The following CCNH variants were observed in gnomAD, a reference collection of about 807,000 sequenced individuals.
CCNH encodes cyclin-H.
CCNH carries 31 observed loss-of-function variants against 41.9 expected under a neutral mutation model. The observed-to-expected ratio is 0.74, with a 90% CI of 0.56 to 1.00. The LOEUF is 1.00. CCNH is among the 50% of genes least tolerant of loss of function. The pLI, the probability that CCNH is intolerant of heterozygous loss-of-function variation, is 0.00. For synonymous variants in CCNH, 138 were observed against 136.1 expected (o/e 1.01, Z -0.10); for missense variants, 362 against 388.4 (o/e 0.93, Z 0.57).
At chr5:87,411,434 G>T in intron 1 of CCNH, 88 bp from the exon 2 acceptor site, 1 of 1,319,438 alleles carries the variant, frequency 7.6e-7, no homozygotes, top group Non-Finnish European at 1.0e-6. Context: ...ATTAAATTTA[G>T]TTTATATATC....
intron 4 of CCNH, among the ~76,000 whole-genome samples, chr5:87,407,380 T>C (rs1763877306): frequency 6.6e-6 from 1 of 152,206 alleles, no homozygotes; most frequent in Non-Finnish European, 1.5e-5. Context: ...GTACCCAAAT[T>C]GAGCCACTGA....
intron 9 of CCNH, among the ~76,000 whole-genome samples, chr5:87,367,586 C>T (rs1429915879): frequency 1.3e-5 from 2 of 152,172 alleles, no homozygotes; most frequent in Non-Finnish European, 2.9e-5. Flanking sequence ...CACTCCATTT[C>T]CTTGTATTAA....
chr5:87,400,162 A>G (rs957264487), intron 6 of CCNH, among the ~76,000 whole-genome samples: 19 of 152,096 alleles, frequency 1.2e-4, no homozygotes, highest in Admixed American at 3.3e-4. Flanking sequence ...GAGAGATCCA[A>G]TGGGCTTATT....
At chr5:87,391,220 C>G, downstream of CCNH, 1 of 435,226 alleles carries the variant, frequency 2.3e-6, no homozygotes, top group Non-Finnish European at 4.2e-6. Flanking sequence ...CACCCAGTTG[C>G]CAAAGTTTTG....
At position 87,333,292 on chromosome 5, in the gene CCNH, G is replaced by A. The variant is rs374823017; in HGVS notation, c.*91-14395C>T. ...CCAGTAGAAGATAGAAGGCGTGTAC[G>A]AGCTATTCTACCTTACACAAAAGTA... On this transcript the variant is annotated intron_variant and NMD_transcript_variant, in intron 9 of 9. Coordinates refer to the CCNH transcript ENST00000645953. 9.3e-6 allele frequency: 15 copies of A among 1,612,586 alleles called. No individual in the cohort carries two copies. Among genetic ancestry groups the A allele is most frequent in the Admixed American group, 3.3e-5 (2 of 59,908 alleles).
intron 9 of CCNH, among the ~76,000 whole-genome samples, chr5:87,324,509 G>A (rs886847462): frequency 2.0e-5 from 3 of 152,146 alleles, no homozygotes; most frequent in Admixed American, 6.6e-5. Context: ...GTGTATGATA[G>A]TGCTGTTTCT....
At chr5:87,362,749 A>T in intron 9 of CCNH, 1 of 1,491,996 alleles carries the variant, frequency 6.7e-7, no homozygotes, top group Non-Finnish European at 9.3e-7. Context: ...TGTGATATAT[A>T]TTTAATAAGT....
Position 87,399,525 on chromosome 5 carries a change from G to C in CCNH, c.761-20C>G. 6.6e-7 allele frequency: 1 copy of C among 1,516,768 alleles called. No individual in the cohort carries two copies. The highest frequency in any genetic ancestry group is 9.2e-7 in the Non-Finnish European group (1 of 1,092,246). 94.0% of individuals were successfully genotyped at this position (1,516,768 alleles called of 1,614,324 possible). On this transcript the variant is annotated intron_variant, in intron 6 of 8. Transcript: ENST00000256897. ...TCATGCCTATGTGGATACAAAAAAA[G>C]AATTTAAACTGAATAAGCAAACCTC...
At chr5:87,357,511 C>G (rs1759740566) in intron 9 of CCNH, among the ~76,000 whole-genome samples, 1 of 152,050 alleles carries the variant, frequency 6.6e-6, no homozygotes, top group African/African-American at 2.4e-5. Context: ...CAAGACCATC[C>G]TGGCTAACAC....
intron 9 of CCNH, among the ~76,000 whole-genome samples, chr5:87,329,655 TAAC>T (rs1467477692): frequency 2.6e-5 from 4 of 152,236 alleles, no homozygotes; most frequent in South Asian, 4.1e-4. Flanking sequence ...ATTTAACAAA[TAAC>T]AAGTATATAA....
In CCNH at chr5:87,376,416, C is replaced by T. The variant is rs1554049394; in HGVS notation, n.765G>A. ...AGTATTTATGCGCTGCCAGTTGAGCCGATTACAGAAAGGGCATGCCACAGA... is the reference window on the plus strand; with the variant it reads ...AGTATTTATGCGCTGCCAGTTGAGCTGATTACAGAAAGGGCATGCCACAGA... On this transcript the variant is annotated non_coding_transcript_exon_variant, in exon 1 of 1. Transcript: ENST00000607486. 3 of 1,613,852 alleles carry T rather than the reference C, an allele frequency of 1.9e-6. No individual in the cohort carries two copies. Among genetic ancestry groups the T allele is most frequent in the Non-Finnish European group, 2.5e-6 (3 of 1,179,958 alleles).
downstream of CCNH, among the ~76,000 whole-genome samples, chr5:87,317,435 A>G (rs565833362): frequency 6.6e-6 from 1 of 152,252 alleles, no homozygotes; most frequent in African/African-American, 2.4e-5. Flanking sequence ...AAGGAATTAG[A>G]CTAGATATCT....
intron 9 of CCNH, among the ~76,000 whole-genome samples, chr5:87,358,628 C>T (rs770290116): frequency 2.6e-5 from 4 of 152,164 alleles, no homozygotes; most frequent in Non-Finnish European, 4.4e-5. Flanking sequence ...AATGTCAGAT[C>T]GTGTTACTCC....
intron 9 of CCNH, among the ~76,000 whole-genome samples, chr5:87,333,040 C>T (rs916912612): frequency 3.9e-5 from 6 of 152,050 alleles, no homozygotes; most frequent in Admixed American, 6.5e-5. Flanking sequence ...ATTCATATTA[C>T]GTTATAAAAG....
At chr5:87,385,641 T>A (rs1235271891) in intron 9 of CCNH, among the ~76,000 whole-genome samples, 1 of 152,098 alleles carries the variant, frequency 6.6e-6, no homozygotes, top group African/African-American at 2.4e-5. Flanking sequence ...TTCTCCCACT[T>A]TTAAACATAA....
At chr5:87,324,348 T>G (rs1236544924) in intron 9 of CCNH, among the ~76,000 whole-genome samples, 6 of 151,686 alleles carry the variant, frequency 4.0e-5, no homozygotes, top group African/African-American at 1.5e-4. Context: ...AGAGGTGTGG[T>G]TTTTTTTCTT....
chr5:87,369,659 CT>C (rs955599038), intron 9 of CCNH, among the ~76,000 whole-genome samples: 25 of 151,552 alleles, frequency 1.6e-4, no homozygotes, highest in African/African-American at 4.4e-4. Context: ...ATATAGCTGA[CT>C]TTTTTTTAGT....
rs779676560 is a variant in CCNH at position 87,349,222 on chromosome 5, G to A, written c.*91-30325C>T. ...CAGCTTAATTCTTACAGTTGGTCAA[G>A]TCTGCAGTTTTCTTGTGAGGCCCTC... On this transcript the variant is annotated intron_variant and NMD_transcript_variant, in intron 9 of 9. Transcript: ENST00000645953. The A allele has an allele frequency of 9.9e-6, 16 of 1,611,764 alleles. No homozygotes were observed. The highest frequency in any genetic ancestry group is 4.5e-5 in the East Asian group (2 of 44,746).
intron 9 of CCNH, chr5:87,330,853 T>C (rs1757549883): frequency 2.7e-6 from 2 of 735,128 alleles, no homozygotes; most frequent in Non-Finnish European, 3.8e-6. Flanking sequence ...GAAATTAAAA[T>C]AGCATCCTTT....
Sources: allele counts gnomAD v4.1 joint callset (sites outside exome capture counted in the v4.1 genomes callset), GRCh38; gene constraint gnomAD v4.1.1; transcripts MANE v1.5; gene names NCBI Gene and HGNC (gene_info 2026-07-23, HGNC 2026-07-21).